The following GRAMD4 variants were observed in gnomAD, a reference collection of about 807,000 sequenced individuals.
GRAMD4 encodes GRAM domain-containing protein 4.
Under a neutral mutation model 83.9 loss-of-function variants are expected in GRAMD4, and 25 were observed. The ratio of observed to expected loss-of-function variants is 0.30; its 90% CI spans 0.22 to 0.42. The LOEUF (loss-of-function observed/expected upper bound fraction) is 0.42. GRAMD4 is among the 10% of genes least tolerant of loss of function. The pLI is 1.00. For synonymous variants in GRAMD4, 336 were observed against 320.9 expected, an observed-to-expected ratio of 1.05 and a Z score of -0.50; for missense variants, 593 against 788.7, an observed-to-expected ratio of 0.75 and a Z score of 2.97.
At chr22:46,582,805 A>G (rs2081111080) in intron 1 of GRAMD4, among the ~76,000 whole-genome samples, 1 of 152,220 alleles carries the variant, frequency 6.6e-6, no homozygotes, top group Non-Finnish European at 1.5e-5. Flanking sequence ...ACGGACTTCT[A>G]GTACATTCAC....
At chr22:46,614,982 CATGTAGGTTCCCCCGT>C (rs1969587635) in intron 1 of GRAMD4, among the ~76,000 whole-genome samples, 1 of 91,720 alleles carries the variant, frequency 1.1e-5, no homozygotes, top group African/African-American at 4.3e-5. Flanking sequence ...TTCCCTTGTG[CATGTAGGTTCCCCCGT>C]GTGTAGGTTC....
At chr22:46,669,717 AG>A (rs1949813974) in intron 13 of GRAMD4, among the ~76,000 whole-genome samples, 1 of 151,844 alleles carries the variant, frequency 6.6e-6, no homozygotes, top group Non-Finnish European at 1.5e-5. Flanking sequence ...CTGGGACTAC[AG>A]GCACCCGCCA....
chr22:46,658,905 G>A (rs2082286073), intron 4 of GRAMD4, among the ~76,000 whole-genome samples: 1 of 148,800 alleles, frequency 6.7e-6, no homozygotes, highest in Non-Finnish European at 1.5e-5. Context: ...GCTCTTGTTT[G>A]TGGGTCCCAT....
intron 3 of GRAMD4, among the ~76,000 whole-genome samples, chr22:46,644,697 G>GTTTT (rs71192437): frequency 6.2e-5 from 6 of 97,364 alleles, no homozygotes; most frequent in Non-Finnish European, 6.0e-5. Flanking sequence ...CTTGTTCCCT[G>GTTTT]TTTTTTTTTT....
intron 1 of GRAMD4, among the ~76,000 whole-genome samples, chr22:46,610,413 G>A (rs534150814): frequency 2.6e-5 from 4 of 152,338 alleles, no homozygotes; most frequent in South Asian, 2.1e-4. Context: ...GTTTCTGCCT[G>A]TTTTGTAAAT....
chr22:46,675,458 C>G lies in GRAMD4; in HGVS notation c.1479-10C>G. On this transcript the variant is annotated splice_polypyrimidine_tract_variant and intron_variant, in intron 16 of 18. Coordinates refer to ENST00000406902, the MANE Select transcript of GRAMD4 (RefSeq NM_015124.5). ...GAGCCAGGCGACGCCTCTGTCCGTT[C>G]CCCTTCCAGTTACTTGTGCTTCGAA... 1 of 1,603,172 alleles carries G rather than the reference C, an allele frequency of 6.2e-7. No individual in the cohort carries two copies.
At chr22:46,600,390 C>T (rs926225505) in intron 1 of GRAMD4, among the ~76,000 whole-genome samples, 3 of 152,176 alleles carry the variant, frequency 2.0e-5, no homozygotes, top group Admixed American at 6.5e-5. Context: ...CTGGCTGGGT[C>T]GCTGGTCTCC....
intron 1 of GRAMD4, chr22:46,587,931 C>G: frequency 1.0e-6 from 1 of 985,372 alleles, no homozygotes; most frequent in Non-Finnish European, 1.2e-6. Context: ...TGGGCAGACG[C>G]ACTCACATCA....
upstream of GRAMD4, among the ~76,000 whole-genome samples, chr22:46,615,888 A>C (rs1376204831): frequency 2.2e-4 from 22 of 98,160 alleles, no homozygotes; most frequent in Non-Finnish European, 1.2e-4. Context: ...CCCCGTGTGT[A>C]GGTTCCCCTG....
In GRAMD4 at chr22:46,678,478, G is replaced by T; in HGVS notation, c.*1227G>T. 3 of 985,404 alleles carry T rather than the reference G, an allele frequency of 3.0e-6. No homozygotes were observed. Among genetic ancestry groups the T allele is most frequent in the Non-Finnish European group, 3.6e-6 (3 of 829,950 alleles). 61.0% of individuals were successfully genotyped at this position (985,404 alleles called of 1,614,324 possible). A position where few individuals can be genotyped will look rare whatever the true frequency, so the allele number is the denominator to read the frequency against. ...TGTGGAGGGAGCGCCCGCAGGCCTG[G>T]TCTGCTGGGGCCGCCTGCGCTGGGC... On this transcript the variant is annotated 3_prime_UTR_variant, in exon 19 of 19. Coordinates refer to ENST00000406902, the MANE Select transcript of GRAMD4 (RefSeq NM_015124.5).
intron 4 of GRAMD4, among the ~76,000 whole-genome samples, chr22:46,660,815 A>G (rs573276017): frequency 6.6e-6 from 1 of 152,266 alleles, no homozygotes; most frequent in African/African-American, 2.4e-5. Context: ...TAGGAAGGTT[A>G]GGGGCGACCA....
chr22:46,583,282 GT>G (rs1353244266), intron 1 of GRAMD4, among the ~76,000 whole-genome samples: 1 of 152,212 alleles, frequency 6.6e-6, no homozygotes, highest in Non-Finnish European at 1.5e-5. Flanking sequence ...ATAATACAGA[GT>G]TTCCCAATTA....
At position 46,577,368 on chromosome 22, in the gene GRAMD4, G is replaced by T. The variant is rs1004286549; in HGVS notation, c.-50+78G>T. 7.4e-4 allele frequency: 623 copies of T among 841,522 alleles called. 8 individuals carry two copies. In the Admixed American group the frequency reaches 0.02, roughly 27 times the overall value. 52.1% of individuals were successfully genotyped at this position (841,522 alleles called of 1,614,324 possible). ...ACTCTCCCTTTTGGGCTGGCGGCTC[G>T]CGACCCAGCTCACTCGGCCGCGCTC... is the stretch of plus-strand genomic sequence containing the variant. On this transcript the variant is annotated intron_variant, in intron 1 of 1. Coordinates refer to the GRAMD4 transcript ENST00000431155.
chr22:46,656,270 A>G (rs1433308216), intron 3 of GRAMD4, among the ~76,000 whole-genome samples: 1 of 152,220 alleles, frequency 6.6e-6, no homozygotes, highest in Non-Finnish European at 1.5e-5. Flanking sequence ...AGTAACAGCG[A>G]GTAACAGCAT....
chr22:46,634,152 G>T (rs1267403958), intron 2 of GRAMD4, among the ~76,000 whole-genome samples: 1 of 152,232 alleles, frequency 6.6e-6, no homozygotes, highest in Non-Finnish European at 1.5e-5. Flanking sequence ...CCCTGCCGAG[G>T]GCTGGGGGAG....
chr22:46,673,814 G>A lies in GRAMD4; in HGVS notation c.1384G>A (p.Val462Met), dbSNP rs749207486. 3 of 1,612,838 alleles carry A rather than the reference G, an allele frequency of 1.9e-6. No homozygotes were observed. Among genetic ancestry groups the A allele is most frequent in the Non-Finnish European group, 8.5e-7 (1 of 1,179,926 alleles). Residue 462 changes from valine to methionine, a missense_variant and splice_region_variant, in exon 15 of 19, where the codon GTG becomes ATG. Around this residue, in one of 4 missense-constraint regions of GRAMD4, gnomAD observed 171 missense variants for 199.6 expected, o/e 0.86. Transcript: ENST00000406902. ...GACAGAAAACGAGCGTCCGCTGGCGGGTATGTGTGCCGTGAGTCTGAGGCC... is the reference window on the plus strand; with the variant it reads ...GACAGAAAACGAGCGTCCGCTGGCGAGTATGTGTGCCGTGAGTCTGAGGCC... Reference protein sequence around the residue: ...NLTENERPLAVCENGWRCCLI... With the variant: ...NLTENERPLAMCENGWRCCLI...
chr22:46,625,998 A>G (rs954553711), intron 1 of GRAMD4, among the ~76,000 whole-genome samples: 1 of 152,244 alleles, frequency 6.6e-6, no homozygotes, highest in East Asian at 1.9e-4. Flanking sequence ...CCAGCTGGCC[A>G]TGGGTGCCTG....
intron 1 of GRAMD4, among the ~76,000 whole-genome samples, chr22:46,599,800 C>T (rs185101549): frequency 2.8e-4 from 42 of 152,302 alleles, no homozygotes; most frequent in Admixed American, 2.4e-3. Flanking sequence ...CACATGCCTA[C>T]GAGTTCCATG....
chr22:46,673,802 C>T lies in GRAMD4; in HGVS notation c.1372C>T (p.Arg458Cys). 3 of 1,612,972 alleles carry T rather than the reference C, an allele frequency of 1.9e-6. No homozygotes were observed. The highest frequency in any genetic ancestry group is 1.7e-6 in the Non-Finnish European group (2 of 1,179,936). Reference sequence around the variant, plus strand: ...GATCTTCAATCTGACAGAAAACGAGCGTCCGCTGGCGGGTATGTGTGCCGT... The same window carrying T: ...GATCTTCAATCTGACAGAAAACGAGTGTCCGCTGGCGGGTATGTGTGCCGT... The part of the protein sequence containing the change: ...HEIFNLTENE[R>C]PLAVCENGWR... Residue 458 changes from arginine to cysteine, a missense_variant, in exon 15 of 19, where the codon CGT becomes TGT. Transcript: ENST00000406902.
Sources: gnomAD v4.1 joint callset for allele counts (sites outside exome capture counted in the v4.1 genomes callset) on GRCh38, gnomAD v4.1.1 for gene constraint, gnomAD v4.1.1 regional missense constraint, MANE v1.5 for transcripts, NCBI Gene and HGNC (gene_info 2026-07-23, HGNC 2026-07-21) for gene names.